Variants in RGS18 observed in about 807,000 individuals in gnomAD.
RGS18 encodes the protein regulator of G protein signaling 18.
Under a neutral mutation model 27.6 loss-of-function variants are expected in RGS18, and 22 were observed. The ratio of observed to expected loss-of-function variants is 0.80; its 90% CI spans 0.57 to 1.14. The LOEUF (loss-of-function observed/expected upper bound fraction) is 1.14. RGS18 is among the 50% of genes most tolerant of loss of function. The pLI, the probability that RGS18 is intolerant of heterozygous loss-of-function variation, is 0.00. For missense variants in RGS18, 299 were observed against 269.6 expected (o/e 1.11, Z -0.76); for synonymous variants, 89 against 84.6 (o/e 1.05, Z -0.29).
intron 2 of RGS18, among the ~76,000 whole-genome samples, chr1:192,159,910 C>T (rs1378353288): frequency 1.3e-5 from 2 of 151,640 alleles, no homozygotes; most frequent in Admixed American, 1.3e-4. Flanking sequence ...CCCTTTGAAA[C>T]TTTATTAGTC....
intron 3 of RGS18, among the ~76,000 whole-genome samples, chr1:192,169,975 G>C (rs1243298207): frequency 6.6e-6 from 1 of 152,178 alleles, no homozygotes; most frequent in Non-Finnish European, 1.5e-5. Flanking sequence ...AGTAAGTATA[G>C]GTGGTAAATA....
chr1:192,172,882 T>TATATATATATATATATAA (rs1407068832), intron 3 of RGS18, among the ~76,000 whole-genome samples: 3 of 104,888 alleles, frequency 2.9e-5, no homozygotes, highest in African/African-American at 8.4e-5. Flanking sequence ...TATATATATA[T>TATATATATATATATATAA]AAATATATAT....
At chr1:192,172,878 T>TATAA (rs1284305746) in intron 3 of RGS18, among the ~76,000 whole-genome samples, 4 of 138,574 alleles carry the variant, frequency 2.9e-5, no homozygotes, top group Non-Finnish European at 6.3e-5. Flanking sequence ...TATATATATA[T>TATAA]ATATAAATAT....
intron 2 of RGS18, among the ~76,000 whole-genome samples, chr1:192,160,161 A>T (rs1326205321): frequency 6.6e-6 from 1 of 152,050 alleles, no homozygotes; most frequent in African/African-American, 2.4e-5. Flanking sequence ...GAAAAAAAAT[A>T]ATGTTATTTC....
intron 4 of RGS18, among the ~76,000 whole-genome samples, chr1:192,183,078 A>G (rs1398275517): frequency 1.3e-5 from 2 of 151,562 alleles, no homozygotes; most frequent in African/African-American, 4.8e-5. Flanking sequence ...GCCCTAAAAT[A>G]TTAATTAAGT....
intron 3 of RGS18, among the ~76,000 whole-genome samples, chr1:192,179,585 A>G (rs1656415239): frequency 6.6e-6 from 1 of 151,706 alleles, no homozygotes; most frequent in African/African-American, 2.4e-5. Context: ...GGTTAAACAA[A>G]TGATAGTATA....
rs565235206 is a variant in RGS18 at position 192,162,503 on chromosome 1, G to A, written c.283+2064G>A. Among the ~76,000 whole-genome samples, 59 of 151,938 alleles carry A rather than the reference G, an allele frequency of 3.9e-4. 1 individual carries two copies. The highest frequency in any genetic ancestry group is 1.4e-3 in the African/African-American group (57 of 41,460). On this transcript the variant is annotated intron_variant, in intron 3 of 4. Transcript: ENST00000367460. ...TTTGTATTTTTAGCATATTGGTCTC[G>A]AACACCTGACCTCAAGTGATCCACC...
At chr1:192,172,925 G>A (rs1656289974) in intron 3 of RGS18, among the ~76,000 whole-genome samples, 1 of 145,804 alleles carries the variant, frequency 6.9e-6, no homozygotes, top group Non-Finnish European at 1.5e-5. Context: ...TGGGGCAATT[G>A]AACTTATCTG....
At position 192,158,740 on chromosome 1, in the gene RGS18, AAAG is replaced by A. The variant is rs1443958270; in HGVS notation, c.107_109del (p.Glu36del). The A allele has an allele frequency of 1.3e-6, 2 of 1,566,900 alleles. No homozygotes were observed. The highest frequency in any genetic ancestry group is 1.7e-6 in the Non-Finnish European group (2 of 1,159,640). ...TGGTTCAGGAAAAGAAGAAACAAGC[AAAG>A]AAGCCAAAATCAGGTAAAATTGTAC... On this transcript the variant is annotated inframe_deletion, in exon 1 of 5. Coordinates refer to ENST00000367460, the MANE Select transcript of RGS18 (RefSeq NM_130782.3).
At chr1:192,165,505 T>C (rs1656148637) in intron 3 of RGS18, among the ~76,000 whole-genome samples, 1 of 152,210 alleles carries the variant, frequency 6.6e-6, no homozygotes, top group South Asian at 2.1e-4. Context: ...TTGCTGGTTT[T>C]GTGGCTCAGG....
At chr1:192,179,174 G>T (rs935673679) in intron 3 of RGS18, among the ~76,000 whole-genome samples, 21 of 151,562 alleles carry the variant, frequency 1.4e-4, no homozygotes, top group Non-Finnish European at 2.5e-4. Context: ...AAAGGAGGGG[G>T]TCAGTATTAT....
chr1:192,182,944 A>G (rs1336162800), intron 4 of RGS18, among the ~76,000 whole-genome samples: 1 of 151,546 alleles, frequency 6.6e-6, no homozygotes, highest in African/African-American at 2.4e-5. Flanking sequence ...GATGAGGTAA[A>G]TCTAACTAGG....
intron 3 of RGS18, among the ~76,000 whole-genome samples, chr1:192,170,754 A>G (rs1656241531): frequency 6.6e-6 from 1 of 152,170 alleles, no homozygotes; most frequent in Non-Finnish European, 1.5e-5. Context: ...TAAATTATCA[A>G]GCTGCTGTCA....
intron 3 of RGS18, among the ~76,000 whole-genome samples, chr1:192,171,111 C>T (rs1397998954): frequency 3.3e-5 from 5 of 152,078 alleles, no homozygotes; most frequent in Admixed American, 3.3e-4. Flanking sequence ...CTCTGAAAAC[C>T]TATATATTTG....
intron 3 of RGS18, among the ~76,000 whole-genome samples, chr1:192,164,430 A>G (rs1656127551): frequency 6.6e-6 from 1 of 152,194 alleles, no homozygotes; most frequent in African/African-American, 2.4e-5. Flanking sequence ...TTCCACAGAA[A>G]TCAAATGATT....
At chr1:192,161,026 A>G (rs1433132244) in intron 3 of RGS18, among the ~76,000 whole-genome samples, 1 of 151,836 alleles carries the variant, frequency 6.6e-6, no homozygotes, top group African/African-American at 2.4e-5. Flanking sequence ...ATTTTTTTGT[A>G]TTTTTAGTAG....
chr1:192,158,629 A>G lies in RGS18; in HGVS notation c.-9A>G, dbSNP rs1379014694. On this transcript the variant is annotated 5_prime_UTR_variant, in exon 1 of 5. Transcript: ENST00000367460. ...AATAAATTAGACATCTCTTCATTTT[A>G]GAGAGAAGATGGAAACAACATTGCT... 2 of 1,542,902 alleles carry G rather than the reference A, an allele frequency of 1.3e-6. No individual in the cohort carries two copies. The highest frequency in any genetic ancestry group is 2.6e-5 in the South Asian group (2 of 76,694).
intron 3 of RGS18, among the ~76,000 whole-genome samples, chr1:192,167,295 T>C (rs578155383): frequency 2.0e-5 from 3 of 152,168 alleles, no homozygotes; most frequent in Non-Finnish European, 4.4e-5. Flanking sequence ...TCTTATACTT[T>C]TCACCTTGTG....
At chr1:192,177,020 T>C (rs1656370488) in intron 3 of RGS18, among the ~76,000 whole-genome samples, 1 of 151,686 alleles carries the variant, frequency 6.6e-6, no homozygotes, top group Non-Finnish European at 1.5e-5. Flanking sequence ...ACTCATGGGG[T>C]TAAATACCAA....
Sources: gnomAD v4.1 joint callset for allele counts (sites outside exome capture counted in the v4.1 genomes callset) on GRCh38, gnomAD v4.1.1 for gene constraint, MANE v1.5 for transcripts, NCBI Gene and HGNC (gene_info 2026-07-23, HGNC 2026-07-21) for gene names.